CPNE7: variants seen among roughly 807,000 people sequenced by gnomAD.
CPNE7 encodes copine-7.
Under a neutral mutation model 66.5 loss-of-function variants are expected in CPNE7, and 78 were observed. The observed-to-expected ratio is 1.17, with a 90% CI of 0.98 to 1.42. The LOEUF is 1.42. Among genes scored for constraint, CPNE7 ranks in the 40% most tolerant of loss-of-function variants. The pLI is 0.00. For synonymous variants in CPNE7, 468 were observed against 336.7 expected, an observed-to-expected ratio of 1.39 and a Z score of -4.27; for missense variants, 1,012 against 776.6, an observed-to-expected ratio of 1.30 and a Z score of -3.60.
At chr16:89,583,307 C>T in intron 2 of CPNE7, 1 of 825,692 alleles carries the variant, frequency 1.2e-6, no homozygotes, top group South Asian at 1.5e-5. Flanking sequence ...CGGGTTCTCA[C>T]CTGGGCCTGG....
intron 13 of CPNE7, among the ~76,000 whole-genome samples, chr16:89,591,761 G>GCA (rs1286949596): frequency 6.6e-6 from 1 of 151,866 alleles, no homozygotes; most frequent in African/African-American, 2.4e-5. Flanking sequence ...GTGCAGTGAT[G>GCA]TGATCCCAGC....
In CPNE7 at chr16:89,576,071, G is replaced by C; in HGVS notation, c.174G>C (p.Gln58His). The change falls in exon 1 of 15, where the codon CAG becomes CAC. Residue 58 changes from glutamine to histidine, a missense_variant and splice_region_variant. Coordinates refer to ENST00000319518, the MANE Select transcript of CPNE7 (RefSeq NM_153636.3). ...AGCAGGCGCAGGGCCAGTGGGTGCA[G>C]GTAGGGCCGGGGCGTGGGAGGCCGA... ...LLQQAQGQWVQVGRTEVVRSS... is the reference protein window; with the variant it reads ...LLQQAQGQWVHVGRTEVVRSS... 7.9e-7 allele frequency: 1 copy of C among 1,269,090 alleles called. No homozygotes were observed. The highest frequency in any genetic ancestry group is 9.9e-7 in the Non-Finnish European group (1 of 1,007,444). 78.6% of individuals were successfully genotyped at this position (1,269,090 alleles called of 1,614,324 possible).
chr16:89,588,960 G>GCTAT, intron 10 of CPNE7, 152 bp downstream of exon 10: 2 of 883,600 alleles, frequency 2.3e-6, no homozygotes, highest in Admixed American at 2.4e-5. Flanking sequence ...CTCCAGGTCA[G>GCTAT]GCCTCGGGGC....
At chr16:89,594,400 C>G (rs369786749) in intron 13 of CPNE7, among the ~76,000 whole-genome samples, 31 of 152,208 alleles carry the variant, frequency 2.0e-4, no homozygotes, top group Admixed American at 4.6e-4. Context: ...AAGAGAGCCT[C>G]TTGGAGAAGG....
intron 2 of CPNE7, among the ~76,000 whole-genome samples, chr16:89,578,379 T>TC (rs1255290855): frequency 6.6e-6 from 1 of 152,088 alleles, no homozygotes; most frequent in Admixed American, 6.6e-5. Flanking sequence ...TCCTCTTTTT[T>TC]CAAAAATACA....
Position 89,588,643 on chromosome 16 carries a change from C to T in CPNE7, c.928-32C>T, listed in dbSNP as rs778808471. Reference sequence around the variant, plus strand: ...GGAGCGGGTTCGGGGAGCCCCGGCCCAGCACAGCTCCTGGCTCCCGGCCCA... The same window carrying T: ...GGAGCGGGTTCGGGGAGCCCCGGCCTAGCACAGCTCCTGGCTCCCGGCCCA... On this transcript the variant is annotated intron_variant, in intron 9 of 14. Transcript: ENST00000319518. 1.3e-5 allele frequency: 21 copies of T among 1,612,026 alleles called. No individual in the cohort carries two copies. In the South Asian group the frequency reaches 2.2e-4, roughly 17 times the overall value.
chr16:89,586,816 T>C, intron 8 of CPNE7, 60 bp downstream of exon 8: 1 of 1,455,530 alleles, frequency 6.9e-7, no homozygotes, highest in Non-Finnish European at 9.6e-7. Context: ...GCTGCCTCCC[T>C]CTGATTGTTG....
chr16:89,586,864 C>T (rs1005736927), intron 8 of CPNE7, 108 bp downstream of exon 8: 30 of 1,180,064 alleles, frequency 2.5e-5, no homozygotes, highest in South Asian at 1.9e-4. Context: ...GGCCCCAGCA[C>T]GTCTGGGGAG....
chr16:89,588,865 G>A lies in CPNE7; in HGVS notation c.1061+57G>A, dbSNP rs147157244. 1.9e-3 allele frequency: 3,053 copies of A among 1,595,612 alleles called. 26 individuals are homozygous for A. Among genetic ancestry groups the A allele is most frequent in the African/African-American group, 0.018 (1,310 of 73,850 alleles). Reference sequence around the variant, plus strand: ...TCTCCAGGTCAGCTATGACAGGTGCGCCTGGCCGTCTTCCCCCTCACCCCC... The same window carrying A: ...TCTCCAGGTCAGCTATGACAGGTGCACCTGGCCGTCTTCCCCCTCACCCCC... On this transcript the variant is annotated intron_variant, in intron 10 of 14. Coordinates refer to ENST00000319518, the MANE Select transcript of CPNE7 (RefSeq NM_153636.3).
chr16:89,587,142 G>C, intron 9 of CPNE7, 40 bp downstream of exon 9: 1 of 567,450 alleles, frequency 1.8e-6, no homozygotes, highest in Non-Finnish European at 2.3e-6. Context: ...CCCTCAGTCC[G>C]TGGCCCCGCC....
intron 2 of CPNE7, among the ~76,000 whole-genome samples, chr16:89,582,475 G>A (rs2058970446): frequency 6.6e-6 from 1 of 152,226 alleles, no homozygotes; most frequent in Non-Finnish European, 1.5e-5. Flanking sequence ...AGCAAACCAG[G>A]CCGGCAGGCG....
intron 7 of CPNE7, among the ~76,000 whole-genome samples, chr16:89,586,039 G>A (rs1409082436): frequency 8.4e-6 from 1 of 119,724 alleles, no homozygotes; most frequent in African/African-American, 3.1e-5. Context: ...AGGGGGAGGG[G>A]GCATTCAGGG....
chr16:89,589,385 C>T (rs893180659), intron 10 of CPNE7, among the ~76,000 whole-genome samples: 1 of 152,228 alleles, frequency 6.6e-6, no homozygotes, highest in Non-Finnish European at 1.5e-5. Flanking sequence ...GTCTGTGTCC[C>T]GCTTTGCCAG....
chr16:89,587,327 G>GATACC (rs2059069034), intron 9 of CPNE7, among the ~76,000 whole-genome samples: 9 of 16 alleles, frequency 0.56, 4 homozygotes, highest in Admixed American at 1. Context: ...CCCTCAGTCC[G>GATACC]TGGCCCCGCC....
At chr16:89,579,635 C>G (rs949793928) in intron 2 of CPNE7, among the ~76,000 whole-genome samples, 2 of 149,564 alleles carry the variant, frequency 1.3e-5, no homozygotes, top group African/African-American at 5.0e-5. Flanking sequence ...CATCACCCAT[C>G]ACATCTCACC....
chr16:89,595,743 C>G (rs1231159883), intron 14 of CPNE7, 140 bp downstream of exon 14: 1 of 815,408 alleles, frequency 1.2e-6, no homozygotes, highest in South Asian at 1.4e-5. Context: ...GGGCTGTTCC[C>G]CCCAGTCAAG....
Position 89,587,716 on chromosome 16 carries a change from G to GATACACGGCCCCCGTGT in CPNE7, c.927+614_927+615insATACACGGCCCCCGTGT, listed in dbSNP as rs1567960695. ...ACGCACACCCCGTGTCACCCCCATA[G>GATACACGGCCCCCGTGT]CACCCCCGTGTCACCCACAGATACA... On this transcript the variant is annotated intron_variant, in intron 9 of 14. Transcript: ENST00000319518. 274 of 144,630 alleles carry GATACACGGCCCCCGTGT rather than the reference G, an allele frequency of 1.9e-3. 65 individuals carry two copies. The highest frequency in any genetic ancestry group is 3.3e-3 in the Non-Finnish European group (191 of 58,230). The allele number at this position is 144,630 out of a possible 1,614,324, so 9.0% of individuals were successfully genotyped here. A position where few individuals can be genotyped will look rare whatever the true frequency, so the allele number is the denominator to read the frequency against.
At chr16:89,587,700 C>CCGTGTCACCCCCATGTCACCCG in intron 9 of CPNE7, 1 of 353,872 alleles carries the variant, frequency 2.8e-6, no homozygotes, top group Non-Finnish European at 5.9e-6. Context: ...TACGCACACC[C>CCGTGTCACCCCCATGTCACCCG]CGTGTCACCC....
At chr16:89,593,389 T>TG (rs1411275956) in intron 13 of CPNE7, among the ~76,000 whole-genome samples, 9 of 150,722 alleles carry the variant, frequency 6.0e-5, no homozygotes, top group African/African-American at 2.0e-4. Context: ...AGTCTCGCTC[T>TG]TCACCCAGGC....
Sources: allele counts gnomAD v4.1 joint callset (sites outside exome capture counted in the v4.1 genomes callset), GRCh38; gene constraint gnomAD v4.1.1; transcripts MANE v1.5; gene names NCBI Gene and HGNC (gene_info 2026-07-23, HGNC 2026-07-21).